The following LTN1 variants were observed in gnomAD, a reference collection of about 807,000 sequenced individuals.
The protein encoded by LTN1 is listerin E3 ubiquitin protein ligase 1.
Under a neutral mutation model 201.2 loss-of-function variants are expected in LTN1, and 88 were observed. That is an observed-to-expected ratio of 0.44 (90% CI 0.37 to 0.52). The LOEUF (loss-of-function observed/expected upper bound fraction) is 0.52, where lower values mean the gene tolerates loss of function less well. Ranked by LOEUF, LTN1 falls within the 20% of genes least tolerant of loss-of-function variation. The probability of loss-of-function intolerance (pLI) is 0.00; values close to 1 mark genes in which losing one functional copy is unlikely to be tolerated. For synonymous variants in LTN1, 645 were observed against 713.5 expected (o/e 0.90, Z 1.53); for missense variants, 1,752 against 2,038.7 (o/e 0.86, Z 2.71).
At position 28,947,622 on chromosome 21, in the gene LTN1, A is replaced by G; in HGVS notation, c.3345-16T>C. 6.6e-7 allele frequency: 1 copy of G among 1,521,632 alleles called. No individual in the cohort carries two copies. Among genetic ancestry groups the G allele is most frequent in the Non-Finnish European group, 8.8e-7 (1 of 1,137,520 alleles). The allele number at this position is 1,521,632 out of a possible 1,614,324, so 94.3% of individuals were successfully genotyped here. A position where few individuals can be genotyped will look rare whatever the true frequency, so the allele number is the denominator to read the frequency against. On this transcript the variant is annotated splice_polypyrimidine_tract_variant and intron_variant, in intron 18 of 29. Transcript: ENST00000361371. ...TGGAAAAAAACTGTTTAAAGAAAAA[A>G]AAAACACAAGTTAGATTTCTTCCAA... is the stretch of plus-strand genomic sequence containing the variant.
At chr21:28,964,626 C>G in intron 11 of LTN1, 1 of 1,549,748 alleles carries the variant, frequency 6.5e-7, no homozygotes, top group Non-Finnish European at 8.7e-7. Context: ...AAGAAGCTGC[C>G]TAGCTGTAAG....
chr21:28,966,112 T>C (rs2084520208), intron 10 of LTN1, among the ~76,000 whole-genome samples: 1 of 152,192 alleles, frequency 6.6e-6, no homozygotes, highest in Non-Finnish European at 1.5e-5. Flanking sequence ...ATGTAACCAA[T>C]ACAAAACTAA....
chr21:28,944,250 C>G (rs1185279411), intron 22 of LTN1, 133 bp downstream of exon 22: 1 of 694,756 alleles, frequency 1.4e-6, no homozygotes, highest in Non-Finnish European at 2.4e-6. Context: ...TCTGAGAAGC[C>G]AAGCTTTCTC....
intron 25 of LTN1, 80 bp downstream of exon 25, chr21:28,941,140 A>T: frequency 1.1e-6 from 1 of 947,644 alleles, no homozygotes; most frequent in Non-Finnish European, 1.6e-6. Context: ...TCCTTTTATT[A>T]AACTGAAAGG....
Position 28,936,980 on chromosome 21 carries a change from T to G in LTN1, c.4483-283A>C, listed in dbSNP as rs1050680127. ...CTTCCATACATTCCTTCCACACCAT[T>G]GCCCTTAACCTTTCAAATTCCTGCT... is the stretch of plus-strand genomic sequence containing the variant. On this transcript the variant is annotated intron_variant, in intron 25 of 29. Transcript: ENST00000361371. 3.9e-5 allele frequency among the ~76,000 whole-genome samples: 6 copies of G among 152,156 alleles called. No individual in the cohort carries two copies. The South Asian group carries it at 8.3e-4, about 21-fold the overall frequency.
chr21:28,935,041 A>T, intron 27 of LTN1, 68 bp downstream of exon 27: 1 of 992,828 alleles, frequency 1.0e-6, no homozygotes, highest in African/African-American at 1.6e-5. Flanking sequence ...GTCTGTTATG[A>T]TATTAACAAT....
intron 25 of LTN1, among the ~76,000 whole-genome samples, chr21:28,939,293 G>T (rs115678408): frequency 0.013 from 1,910 of 152,230 alleles, 54 homozygotes; most frequent in African/African-American, 0.043. Context: ...TGGGGGTCAT[G>T]GGAGGGAGCC....
intron 1 of LTN1, among the ~76,000 whole-genome samples, chr21:28,991,963 G>C (rs2776258): frequency 0.14 from 21,967 of 152,246 alleles, 1,871 homozygotes; most frequent in African/African-American, 0.24. Context: ...CAAGTACTTA[G>C]TGAGCGTCTA....
intron 27 of LTN1, among the ~76,000 whole-genome samples, chr21:28,933,634 T>C (rs2084229200): frequency 6.6e-6 from 1 of 152,080 alleles, no homozygotes. Context: ...CATTCTCACT[T>C]CTATGCTTTT....
chr21:28,975,837 T>C (rs1213070110), intron 6 of LTN1, among the ~76,000 whole-genome samples: 1 of 152,222 alleles, frequency 6.6e-6, no homozygotes, highest in Non-Finnish European at 1.5e-5. Context: ...CCATATGACA[T>C]ATCAATTCCT....
chr21:28,966,699 C>T lies in LTN1; in HGVS notation c.1792G>A (p.Ala598Thr), dbSNP rs754322551. 5 of 1,613,888 alleles carry T rather than the reference C, an allele frequency of 3.1e-6. No individual in the cohort carries two copies. The highest frequency in any genetic ancestry group is 4.5e-5 in the East Asian group (2 of 44,866). ...TTGACATAATTAATACTTATATCTG[C>T]GAGTTTACAGACTAAGTCTTCCAAA... The part of the protein sequence containing the change: ...KPLEDLVCKL[A>T]DISINYVNER... The change falls in exon 10 of 30, where the codon GCA becomes ACA. Residue 598 changes from alanine to threonine, a missense_variant. Ala to Thr is a moderately conservative substitution (Grantham distance 58). Transcript: ENST00000361371.
intron 1 of LTN1, among the ~76,000 whole-genome samples, chr21:28,991,729 C>T (rs994929901): frequency 6.6e-6 from 1 of 152,114 alleles, no homozygotes. Context: ...CAACAGGTTG[C>T]TATAATTGTT....
chr21:28,981,703 A>G (rs2832148), intron 5 of LTN1, among the ~76,000 whole-genome samples: 17,300 of 152,296 alleles, frequency 0.11, 1,282 homozygotes, highest in East Asian at 0.39. Flanking sequence ...TTCTTCAACT[A>G]TGTTCAACCA....
chr21:28,947,498 C>G lies in LTN1; in HGVS notation c.3453G>C (p.Leu1151Phe). 1 of 1,561,200 alleles carries G rather than the reference C, an allele frequency of 6.4e-7. No individual in the cohort carries two copies. The highest frequency in any genetic ancestry group is 8.6e-7 in the Non-Finnish European group (1 of 1,157,086). Residue 1151 changes from leucine (L) to phenylalanine (F), a missense_variant, in exon 19 of 30, where the codon TTG becomes TTC. By Grantham distance (22) the Leu-to-Phe change is conservative. Transcript: ENST00000361371. ...TGCAAAGATCTTTCTTAGTCCAGCC[C>G]AAAAGAGCAGGTATACATTGAGCAC... ...EFSAQCIPALLGWTKKDLCST... is the reference protein window; with the variant it reads ...EFSAQCIPALFGWTKKDLCST...
In LTN1 at chr21:28,960,500, A is replaced by T; in HGVS notation, c.2353+17T>A. ...GGACTATTCCCCATTAGAAAACAAAAGCCATATTTGTCCTACCATTTTTAA... is the reference window on the plus strand; with the variant it reads ...GGACTATTCCCCATTAGAAAACAAATGCCATATTTGTCCTACCATTTTTAA... On this transcript the variant is annotated intron_variant, in intron 12 of 29. Transcript: ENST00000361371. 6.3e-7 allele frequency: 1 copy of T among 1,595,868 alleles called. No individual in the cohort carries two copies. The highest frequency in any genetic ancestry group is 8.6e-7 in the Non-Finnish European group (1 of 1,168,322).
chr21:28,961,540 G>GAA, intron 11 of LTN1: 1 of 156,408 alleles, frequency 6.4e-6, no homozygotes. Flanking sequence ...CAATCTGGAA[G>GAA]AAAAAAAAAA....
intron 18 of LTN1, among the ~76,000 whole-genome samples, chr21:28,948,698 T>C (rs1298982113): frequency 1.3e-5 from 2 of 152,184 alleles, no homozygotes; most frequent in Non-Finnish European, 2.9e-5. Flanking sequence ...AATTATTCTG[T>C]TTTAAAGCTA....
intron 29 of LTN1, 34 bp from the exon 30 acceptor site, chr21:28,930,544 C>T (rs1438770000): frequency 7.0e-7 from 1 of 1,421,752 alleles, no homozygotes; most frequent in Non-Finnish European, 9.9e-7. Flanking sequence ...ACTAAAAGAA[C>T]TTTTAAAGTT....
intron 28 of LTN1, 89 bp downstream of exon 28, chr21:28,932,381 C>A: frequency 1.1e-5 from 11 of 1,034,346 alleles, no homozygotes; most frequent in Non-Finnish European, 1.6e-5. Flanking sequence ...TTATCTTAAG[C>A]AGAAAAGATA....
Sources: gnomAD v4.1 joint callset for allele counts (sites outside exome capture counted in the v4.1 genomes callset) on GRCh38, gnomAD v4.1.1 for gene constraint, MANE v1.5 for transcripts, NCBI Gene and HGNC (gene_info 2026-07-23, HGNC 2026-07-21) for gene names.